The following ZNF616 variants were observed in gnomAD, a reference collection of about 807,000 sequenced individuals.
ZNF616 encodes zinc finger protein 616.
ZNF616 carries 5 observed loss-of-function variants against 7.6 expected under a neutral mutation model. The ratio of observed to expected loss-of-function variants is 0.66; its 90% CI spans 0.34 to 1.38. ZNF616 has a LOEUF of 1.38. ZNF616 is among the 40% of genes most tolerant of loss of function. The pLI, the probability that ZNF616 is intolerant of heterozygous loss-of-function variation, is 0.04. For synonymous variants in ZNF616, 319 were observed against 317.2 expected, an observed-to-expected ratio of 1.01 and a Z score of -0.06; for missense variants, 913 against 948.3, an observed-to-expected ratio of 0.96 and a Z score of 0.49.
At position 52,137,053 on chromosome 19, in the gene ZNF616, G is replaced by GTGTATATATA. The variant is rs958896902; in HGVS notation, c.-77+2678_-77+2679insTATATATACA. Among the ~76,000 whole-genome samples the GTGTATATATA allele has an allele frequency of 7.7e-5, 11 of 143,714 alleles. No homozygotes were observed. In the East Asian group the frequency reaches 1.0e-3, roughly 13 times the overall value. 94.3% of individuals were successfully genotyped at this position (143,714 alleles called of 152,430 possible). ...TGTGTGTATATATATTTATGTATGT[G>GTGTATATATA]TATATATATATATATATATATACAG... On this transcript the variant is annotated intron_variant, in intron 1 of 3. Transcript: ENST00000600228.
In ZNF616 at chr19:52,115,013, G is replaced by C. The variant is rs148176569; in HGVS notation, c.2151C>G (p.Tyr717Ter). ...AGGCTTTGCCACATTCAATACATTT[G>C]TATCTTTTCTCTCCAGTGTGGATTC... The part of the protein sequence containing the change: ...HQRIHTGEKR[Y>*]KCIECGKAFG... Residue 717 changes from tyrosine to a stop codon, truncating the protein, a stop_gained, in exon 4 of 4, where the codon TAC (tyrosine) becomes TAG (stop). Transcript: ENST00000600228. LOFTEE classifies it low-confidence loss of function (END_TRUNC). The C allele has an allele frequency of 1.1e-5, 17 of 1,614,016 alleles. No individual in the cohort carries two copies. Among genetic ancestry groups the C allele is most frequent in the Middle Eastern group, 1.6e-4 (1 of 6,084 alleles).
intron 2 of ZNF616, among the ~76,000 whole-genome samples, chr19:52,127,070 T>G (rs2088915276): frequency 6.6e-6 from 1 of 152,118 alleles, no homozygotes; most frequent in South Asian, 2.1e-4. Flanking sequence ...TTTTTTTTTT[T>G]TTAGAAGACA....
At position 52,139,543 on chromosome 19, in the gene ZNF616, G is replaced by C. The variant is rs903545501; in HGVS notation, c.-77+189C>G. On this transcript the variant is annotated intron_variant, in intron 1 of 3. Transcript: ENST00000600228. The surrounding 1 kb of genome is among the most constrained non-coding windows in gnomAD (Gnocchi z 4.1). ...GGGCGAAGCTCGGGGGTCTCGACTG[G>C]TGGGAATCCACCTCGCGAGGGAGGA... 6.6e-6 allele frequency among the ~76,000 whole-genome samples: 1 copy of C among 152,194 alleles called. No individual in the cohort carries two copies. The highest frequency in any genetic ancestry group is 1.5e-5 in the Non-Finnish European group (1 of 68,026).
At position 52,132,306 on chromosome 19, in the gene ZNF616, G is replaced by T. The variant is rs143514064; in HGVS notation, c.-76-1718C>A. Among the ~76,000 whole-genome samples, 616 of 152,300 alleles carry T rather than the reference G, an allele frequency of 4.0e-3. 5 individuals are homozygous for T. Among genetic ancestry groups the T allele is most frequent in the African/African-American group, 0.014 (589 of 41,564 alleles). On this transcript the variant is annotated intron_variant, in intron 1 of 3. Coordinates refer to ENST00000600228, the MANE Select transcript of ZNF616 (RefSeq NM_178523.5). ...ACTTTAGACACATAAAGGTGGAGAC[G>T]TCTCTTAGACGGCTGAACAGACAAC...
intron 3 of ZNF616, among the ~76,000 whole-genome samples, chr19:52,118,018 C>T (rs2122144812): frequency 6.6e-6 from 1 of 152,282 alleles, no homozygotes; most frequent in South Asian, 2.1e-4. Flanking sequence ...TCTTGCCTCA[C>T]TGCAACCTCC....
Position 52,115,081 on chromosome 19 carries a change from C to T in ZNF616, c.2083G>A (p.Gly695Ser). Reference protein sequence around the residue: ...GKKPYKCDECGKVFRHSSHLV... With the variant: ...GKKPYKCDECSKVFRHSSHLV... The stretch of plus-strand genomic sequence containing the variant: ...TGTGAACTATGCCTGAATACCTTGC[C>T]ACATTCATCACATTTATATGGTTTC... The change falls in exon 4 of 4, where the codon GGC becomes AGC. Residue 695 changes from glycine to serine, a missense_variant. Gly to Ser is a moderately conservative substitution (Grantham distance 56). Coordinates refer to ENST00000600228, the MANE Select transcript of ZNF616 (RefSeq NM_178523.5). 1 of 1,614,130 alleles carries T rather than the reference C, an allele frequency of 6.2e-7. No individual in the cohort carries two copies. The highest frequency in any genetic ancestry group is 8.5e-7 in the Non-Finnish European group (1 of 1,180,016).
At chr19:52,133,456 G>A (rs913743101) in intron 1 of ZNF616, among the ~76,000 whole-genome samples, 1 of 152,126 alleles carries the variant, frequency 6.6e-6, no homozygotes, top group African/African-American at 2.4e-5. Flanking sequence ...TGCAGGAGGT[G>A]CAGCCTGGTT....
At chr19:52,131,525 G>GA (rs2122167666) in intron 1 of ZNF616, among the ~76,000 whole-genome samples, 1 of 152,284 alleles carries the variant, frequency 6.6e-6, no homozygotes, top group Non-Finnish European at 1.5e-5. Context: ...CAAAGGGCCA[G>GA]AAAGAAACAC....
At position 52,115,171 on chromosome 19, in the gene ZNF616, CATT is replaced by C. The variant is rs2088807283; in HGVS notation, c.1990_1992del (p.Asn664del). On this transcript the variant is annotated inframe_deletion, in exon 4 of 4. Transcript: ENST00000600228. The stretch of plus-strand genomic sequence containing the variant: ...CTCCGTTTAAAGGTTTTGCCACACT[CATT>C]ACATTTGTAAGGTCTGTCTCCAGTA... 2 of 1,614,046 alleles carry C rather than the reference CATT, an allele frequency of 1.2e-6. No homozygotes were observed. The highest frequency in any genetic ancestry group is 2.2e-5 in the South Asian group (2 of 91,088).
chr19:52,128,124 C>T (rs775035477), intron 2 of ZNF616, among the ~76,000 whole-genome samples: 11 of 151,582 alleles, frequency 7.3e-5, no homozygotes, highest in Non-Finnish European at 1.2e-4. Flanking sequence ...TTTCCCACTA[C>T]CCTAAGGTGC....
At chr19:52,136,442 T>C (rs1028852066) in intron 1 of ZNF616, among the ~76,000 whole-genome samples, 4 of 150,852 alleles carry the variant, frequency 2.7e-5, no homozygotes, top group African/African-American at 9.9e-5. Context: ...AGAGTGAGAC[T>C]CTGTCTCAAA....
At chr19:52,122,546 T>A (rs2088872257) in intron 3 of ZNF616, 2 of 152,058 alleles carry the variant, frequency 1.3e-5, no homozygotes, top group South Asian at 4.1e-4. Flanking sequence ...TCATGGTATT[T>A]CTACAATGAA....
Position 52,114,575 on chromosome 19 carries a change from G to A in ZNF616, c.*243C>T, listed in dbSNP as rs1488646862. ...GAATGAGGGCAAGCGACAGGGAAGT[G>A]CTATGCACTTCTAAACAGCCAGACC... On this transcript the variant is annotated 3_prime_UTR_variant, in exon 4 of 4. Transcript: ENST00000600228. The A allele has an allele frequency of 2.2e-6, 1 of 446,392 alleles. No individual in the cohort carries two copies. The highest frequency in any genetic ancestry group is 3.9e-6 in the Non-Finnish European group (1 of 253,496). 27.7% of individuals were successfully genotyped at this position (446,392 alleles called of 1,614,324 possible). A position where few individuals can be genotyped will look rare whatever the true frequency, so the allele number is the denominator to read the frequency against.
Position 52,116,951 on chromosome 19 carries a change from T to C in ZNF616, c.213A>G (p.Thr71=), listed in dbSNP as rs764337809. The change falls in exon 4 of 4, where the codon ACA becomes ACG. Residue 71 remains threonine (T), a synonymous_variant. Transcript: ENST00000600228. ...ENSNTGERFQ[T]VALERHQSYD... is the part of the protein sequence containing the mutation. ...AGCTTTGATGTCTTTCCAGTGCCACTGTTTGGAACCTTTCTCCTGTATTAC... is the reference window on the plus strand; with the variant it reads ...AGCTTTGATGTCTTTCCAGTGCCACCGTTTGGAACCTTTCTCCTGTATTAC... The C allele has an allele frequency of 6.2e-7, 1 of 1,613,532 alleles. No individual in the cohort carries two copies. The highest frequency in any genetic ancestry group is 1.1e-5 in the South Asian group (1 of 90,848).
rs1340217362 is a variant in ZNF616, at chr19:52,114,803, A to G, written c.*15T>C. 2 of 1,538,102 alleles carry G rather than the reference A, an allele frequency of 1.3e-6. No individual in the cohort carries two copies. Among genetic ancestry groups the G allele is most frequent in the Non-Finnish European group, 1.7e-6 (2 of 1,147,588 alleles). On this transcript the variant is annotated 3_prime_UTR_variant, in exon 4 of 4. Transcript: ENST00000600228. ...AGTAGGAATTATTCGGTGATTCCAG[A>G]AACTAGGACAACGTCTAAGGCCTTG...
chr19:52,133,725 C>A (rs939347747), intron 1 of ZNF616, among the ~76,000 whole-genome samples: 2 of 152,160 alleles, frequency 1.3e-5, no homozygotes, highest in Non-Finnish European at 2.9e-5. Flanking sequence ...ATTGGTCAGG[C>A]TGGTTGCGAA....
At chr19:52,121,756 T>C (rs2088865748) in intron 3 of ZNF616, among the ~76,000 whole-genome samples, 1 of 152,134 alleles carries the variant, frequency 6.6e-6, no homozygotes, top group African/African-American at 2.4e-5. Context: ...GCTAGCCATA[T>C]ATAGAAGAAT....
chr19:52,128,737 G>A (rs1230292028), intron 2 of ZNF616, among the ~76,000 whole-genome samples: 6 of 137,536 alleles, frequency 4.4e-5, no homozygotes, highest in Admixed American at 2.3e-4. Flanking sequence ...ACGAAACTCC[G>A]TCTCAAAAAA....
At chr19:52,137,616 T>C (rs2089023802) in intron 1 of ZNF616, among the ~76,000 whole-genome samples, 1 of 152,110 alleles carries the variant, frequency 6.6e-6, no homozygotes, top group Admixed American at 6.5e-5. Context: ...CACAGGATGC[T>C]GGGTGGGGAA....
Sources: allele counts gnomAD v4.1 joint callset (sites outside exome capture counted in the v4.1 genomes callset), GRCh38; gene constraint gnomAD v4.1.1; non-coding constraint Gnocchi (gnomAD v3.1); transcripts MANE v1.5; gene names NCBI Gene and HGNC (gene_info 2026-07-23, HGNC 2026-07-21).